The following GSE1 variants were observed in gnomAD, a reference collection of about 807,000 sequenced individuals.
GSE1 encodes the protein genetic suppressor element 1.
A neutral mutation model predicts 112.6 loss-of-function variants in GSE1; 32 were observed. The ratio of observed to expected loss-of-function variants is 0.28; its 90% confidence interval spans 0.21 to 0.38. GSE1 has a LOEUF of 0.38. Ranked by LOEUF, GSE1 falls within the 10% of genes least tolerant of loss-of-function variation. GSE1 has a pLI of 1.00. For missense variants in GSE1, 2,348 were observed against 1,699.2 expected, an observed-to-expected ratio of 1.38 and a Z score of -6.71; for synonymous variants, 1,115 against 735.6, an observed-to-expected ratio of 1.52 and a Z score of -8.35.
intron 1 of GSE1, among the ~76,000 whole-genome samples, chr16:85,344,488 G>T (rs927253685): frequency 6.6e-6 from 1 of 152,252 alleles, no homozygotes; most frequent in Non-Finnish European, 1.5e-5. Context: ...GGACAAATGT[G>T]TAGAGGACAG....
chr16:85,180,993 T>C (rs1228249461), intron 1 of GSE1, among the ~76,000 whole-genome samples: 1 of 152,244 alleles, frequency 6.6e-6, no homozygotes, highest in Non-Finnish European at 1.5e-5. Context: ...ACGTTTTAAG[T>C]CATTTTCAGA....
At chr16:85,497,476 A>AGCCCAGT (rs2051219391) in intron 2 of GSE1, among the ~76,000 whole-genome samples, 1 of 152,158 alleles carries the variant, frequency 6.6e-6, no homozygotes, top group Non-Finnish European at 1.5e-5. Context: ...TGAATTCTTC[A>AGCCCAGT]GCCCAGTGCC....
chr16:85,561,659 CT>C (rs1204981531), intron 1 of GSE1, among the ~76,000 whole-genome samples: 2 of 152,234 alleles, frequency 1.3e-5, no homozygotes, highest in African/African-American at 4.8e-5. Context: ...CGGGGTCCCC[CT>C]GGAACATTTC....
intron 1 of GSE1, among the ~76,000 whole-genome samples, chr16:85,567,602 C>G (rs1033780611): frequency 6.6e-6 from 1 of 152,092 alleles, no homozygotes; most frequent in Non-Finnish European, 1.5e-5. Flanking sequence ...AGCTCACAAG[C>G]GGAAAGCTGC....
intron 1 of GSE1, among the ~76,000 whole-genome samples, chr16:85,587,541 C>T (rs1008753614): frequency 1.3e-5 from 2 of 152,072 alleles, no homozygotes; most frequent in African/African-American, 4.8e-5. Flanking sequence ...GGGCTTCACA[C>T]CTTCGGCCTA....
chr16:85,172,490 G>A (rs948558465), intron 1 of GSE1, among the ~76,000 whole-genome samples: 14 of 152,212 alleles, frequency 9.2e-5, no homozygotes, highest in South Asian at 2.1e-4. Flanking sequence ...TTTATAAGGC[G>A]CCTGCCTTCC....
intron 1 of GSE1, among the ~76,000 whole-genome samples, chr16:85,211,434 AGT>A (rs1193870771): frequency 6.6e-6 from 1 of 151,660 alleles, no homozygotes; most frequent in Admixed American, 6.6e-5. Flanking sequence ...GCCTGGGTGG[AGT>A]GTGAGAACTG....
chr16:85,522,904 CTTTGTG>C (rs1416909743), intron 2 of GSE1, among the ~76,000 whole-genome samples: 1 of 151,262 alleles, frequency 6.6e-6, no homozygotes, highest in Non-Finnish European at 1.5e-5. Context: ...GTATGTGTGA[CTTTGTG>C]TTTGTGTATG....
chr16:85,383,327 C>CACACACACCGTG (rs1336971885), intron 2 of GSE1, among the ~76,000 whole-genome samples: 1 of 152,042 alleles, frequency 6.6e-6, no homozygotes, highest in African/African-American at 2.4e-5. Context: ...GTCCTCAGCA[C>CACACACACCGTG]ACACACACCG....
chr16:85,416,855 GTTTGTTTT>G (rs932012082), intron 2 of GSE1, among the ~76,000 whole-genome samples: 13 of 152,096 alleles, frequency 8.5e-5, no homozygotes, highest in African/African-American at 2.4e-4. Context: ...TTGTTTGTTT[GTTTGTTTT>G]TTTGTTTTTT....
chr16:85,257,047 G>A (rs1025529226), intron 1 of GSE1, among the ~76,000 whole-genome samples: 10 of 152,222 alleles, frequency 6.6e-5, no homozygotes, highest in African/African-American at 2.2e-4. Flanking sequence ...ATGGGACATA[G>A]GGAGGTTGAA....
At chr16:85,640,088 G>A (rs1358612933) in intron 2 of GSE1, among the ~76,000 whole-genome samples, 1 of 152,206 alleles carries the variant, frequency 6.6e-6, no homozygotes, top group Admixed American at 6.5e-5. Context: ...GGACAGTTCT[G>A]AGCAGGTGCT....
At chr16:85,296,147 T>A (rs911286998) in intron 1 of GSE1, among the ~76,000 whole-genome samples, 2 of 152,108 alleles carry the variant, frequency 1.3e-5, no homozygotes, top group African/African-American at 4.8e-5. Context: ...AGGAGGTGAT[T>A]TCTGAACTGC....
chr16:85,293,825 G>A (rs773773848), intron 1 of GSE1, among the ~76,000 whole-genome samples: 1 of 152,124 alleles, frequency 6.6e-6, no homozygotes, highest in Non-Finnish European at 1.5e-5. Flanking sequence ...GTCTTCACGC[G>A]GCCTTCTACG....
At chr16:85,261,855 T>A (rs1388504247) in intron 1 of GSE1, among the ~76,000 whole-genome samples, 1 of 152,176 alleles carries the variant, frequency 6.6e-6, no homozygotes, top group African/African-American at 2.4e-5. Context: ...GTGGGGCGTA[T>A]CAGCACCTGT....
chr16:85,614,758 G>C (rs2048262627), intron 1 of GSE1, among the ~76,000 whole-genome samples: 1 of 152,216 alleles, frequency 6.6e-6, no homozygotes, highest in Non-Finnish European at 1.5e-5. Context: ...CTAAACCCTT[G>C]CTCCCCGCTG....
chr16:85,648,910 C>T (rs1327315736), intron 3 of GSE1, among the ~76,000 whole-genome samples, 159 bp downstream of exon 3: 4 of 152,124 alleles, frequency 2.6e-5, no homozygotes, highest in Non-Finnish European at 2.9e-5. Context: ...GTGAGGGTGA[C>T]AGCGGCACCC....
chr16:85,208,902 G>C (rs901774426), intron 1 of GSE1, among the ~76,000 whole-genome samples: 1 of 147,256 alleles, frequency 6.8e-6, no homozygotes, highest in Non-Finnish European at 1.5e-5. Context: ...TTTGCCGTGT[G>C]TTGGGGTTTG....
At chr16:85,633,074 A>G (rs1021969667) in intron 1 of GSE1, among the ~76,000 whole-genome samples, 2 of 152,142 alleles carry the variant, frequency 1.3e-5, no homozygotes, top group South Asian at 4.1e-4. Context: ...TTGCTGCGCC[A>G]GGTCGGCCTG....
Sources: allele counts gnomAD v4.1 joint callset (sites outside exome capture counted in the v4.1 genomes callset), GRCh38; gene constraint gnomAD v4.1.1; transcripts MANE v1.5; gene names NCBI Gene and HGNC (gene_info 2026-07-23, HGNC 2026-07-21).